The following ACER3 variants were observed in gnomAD, a reference collection of about 807,000 sequenced individuals.
ACER3 encodes the protein alkaline ceramidase 3, also known as alkCDase 3.
A neutral mutation model predicts 48.9 loss-of-function variants in ACER3; 16 were observed. The observed-to-expected ratio is 0.33, with a 90% CI of 0.22 to 0.50. The LOEUF (loss-of-function observed/expected upper bound fraction) is 0.50. ACER3 is among the 20% of genes least tolerant of loss of function. The probability of loss-of-function intolerance (pLI) is 0.98; values close to 1 mark genes in which losing one functional copy is unlikely to be tolerated. For synonymous variants in ACER3, 109 were observed against 107.8 expected, an observed-to-expected ratio of 1.01 and a Z score of -0.07; for missense variants, 227 against 326.0, an observed-to-expected ratio of 0.70 and a Z score of 2.34.
chr11:76,928,732 T>G (rs1034926148), intron 2 of ACER3, among the ~76,000 whole-genome samples: 4 of 152,166 alleles, frequency 2.6e-5, no homozygotes, highest in African/African-American at 4.8e-5. Context: ...TTTCCCCATT[T>G]CTTGTTTTTG....
chr11:76,991,194 A>G (rs1010592007), intron 6 of ACER3, among the ~76,000 whole-genome samples: 1 of 152,216 alleles, frequency 6.6e-6, no homozygotes, highest in Admixed American at 6.5e-5. Flanking sequence ...CAGAAATATT[A>G]AGTAATTTGC....
intron 1 of ACER3, among the ~76,000 whole-genome samples, chr11:76,873,452 A>G (rs1565152790): frequency 6.6e-6 from 1 of 152,218 alleles, no homozygotes; most frequent in African/African-American, 2.4e-5. Flanking sequence ...CTGCACAGTA[A>G]CAGTAGGCTG....
chr11:77,018,628 G>C (rs1200504359), intron 9 of ACER3, among the ~76,000 whole-genome samples: 1 of 152,226 alleles, frequency 6.6e-6, no homozygotes, highest in Non-Finnish European at 1.5e-5. Context: ...GAAATTAAAA[G>C]TGCTACTCCA....
At chr11:76,896,912 G>T (rs1945944937) in intron 1 of ACER3, among the ~76,000 whole-genome samples, 2 of 150,624 alleles carry the variant, frequency 1.3e-5, no homozygotes, top group Admixed American at 1.3e-4. Flanking sequence ...ATATGTAGTT[G>T]TTGAAGGGAG....
At chr11:76,877,252 G>A (rs1331047362) in intron 1 of ACER3, among the ~76,000 whole-genome samples, 1 of 152,120 alleles carries the variant, frequency 6.6e-6, no homozygotes, top group Non-Finnish European at 1.5e-5. Flanking sequence ...CATCATAGGT[G>A]TAGACTCTCG....
At chr11:76,867,978 A>G (rs939673653) in intron 1 of ACER3, 5 of 581,096 alleles carry the variant, frequency 8.6e-6, no homozygotes, top group Admixed American at 3.7e-5. Flanking sequence ...TAGATGGGGG[A>G]ACAAGGTCTT....
intron 7 of ACER3, among the ~76,000 whole-genome samples, chr11:77,011,936 CTATCAATTCTATAGCATATAAAACA>C (rs1555022236): frequency 6.6e-6 from 1 of 151,918 alleles, no homozygotes; most frequent in Non-Finnish European, 1.5e-5. Context: ...CTTTCTTAAC[CTATCAATTCTATAGCATATAAAACA>C]CCTAGTCATG....
chr11:76,951,942 TA>T (rs1947680611), intron 2 of ACER3, among the ~76,000 whole-genome samples: 1 of 152,208 alleles, frequency 6.6e-6, no homozygotes, highest in Non-Finnish European at 1.5e-5. Context: ...CAAAAGCTGA[TA>T]ACTACTGGCC....
chr11:76,932,316 A>T (rs1947026696), intron 2 of ACER3, among the ~76,000 whole-genome samples: 1 of 152,166 alleles, frequency 6.6e-6, no homozygotes, highest in African/African-American at 2.4e-5. Context: ...GTATTTCCAC[A>T]TTGACAGAAA....
chr11:76,979,052 G>A (rs1026108316), intron 4 of ACER3, among the ~76,000 whole-genome samples: 1 of 152,190 alleles, frequency 6.6e-6, no homozygotes, highest in African/African-American at 2.4e-5. Context: ...CTGGTAGCAT[G>A]AGCCAAGTGC....
At chr11:76,998,393 G>A (rs868975125) in intron 6 of ACER3, among the ~76,000 whole-genome samples, 22 of 134,450 alleles carry the variant, frequency 1.6e-4, no homozygotes, top group South Asian at 4.8e-4. Context: ...TGTAAAATGG[G>A]AAGCACAATT....
At chr11:76,928,486 T>C (rs1235472098) in intron 2 of ACER3, among the ~76,000 whole-genome samples, 1 of 152,252 alleles carries the variant, frequency 6.6e-6, no homozygotes, top group Non-Finnish European at 1.5e-5. Flanking sequence ...TTTGTCAATT[T>C]TGGCTTTTGT....
intron 1 of ACER3, among the ~76,000 whole-genome samples, chr11:76,900,644 A>T (rs1252929998): frequency 6.6e-6 from 1 of 152,150 alleles, no homozygotes; most frequent in African/African-American, 2.4e-5. Context: ...ACATAGTAAG[A>T]CTCTGTCTCC....
intron 7 of ACER3, among the ~76,000 whole-genome samples, chr11:77,008,508 G>A (rs145019862): frequency 0.012 from 1,877 of 152,198 alleles, 28 homozygotes; most frequent in South Asian, 0.029. Context: ...ATTTCATTTA[G>A]CACTGGTCAT....
At chr11:76,924,980 A>AAAAAAAC (rs1393304802) in intron 1 of ACER3, among the ~76,000 whole-genome samples, 1 of 145,068 alleles carries the variant, frequency 6.9e-6, no homozygotes, top group South Asian at 2.1e-4. Flanking sequence ...TGTCAAAAAA[A>AAAAAAAC]AAAAAAAAAA....
At chr11:76,891,258 A>AAT (rs58631679) in intron 1 of ACER3, among the ~76,000 whole-genome samples, 5,022 of 146,494 alleles carry the variant, frequency 0.034, 153 homozygotes, top group African/African-American at 0.079. Flanking sequence ...ATATATATAT[A>AAT]ATATATATAT....
At chr11:76,984,833 T>C (rs2135196314) in intron 4 of ACER3, among the ~76,000 whole-genome samples, 1 of 152,290 alleles carries the variant, frequency 6.6e-6, no homozygotes, top group South Asian at 2.1e-4. Flanking sequence ...ATTTATTTAC[T>C]GTAAGGATAT....
chr11:76,948,767 G>T (rs1947553223), intron 2 of ACER3, among the ~76,000 whole-genome samples: 1 of 152,100 alleles, frequency 6.6e-6, no homozygotes, highest in South Asian at 2.1e-4. Flanking sequence ...TTCTGTCATG[G>T]CAAATAAGCT....
intron 1 of ACER3, among the ~76,000 whole-genome samples, chr11:76,893,742 A>G (rs1193620897): frequency 1.3e-5 from 2 of 152,388 alleles, no homozygotes; most frequent in East Asian, 1.9e-4. Context: ...CTAAACTACC[A>G]TATACATTTT....
Sources: gnomAD v4.1 joint callset for allele counts (sites outside exome capture counted in the v4.1 genomes callset) on GRCh38, gnomAD v4.1.1 for gene constraint, MANE v1.5 for transcripts, NCBI Gene and HGNC (gene_info 2026-07-23, HGNC 2026-07-21) for gene names.